SLCO5A1: variants seen among roughly 807,000 people sequenced by gnomAD.
SLCO5A1 encodes the protein solute carrier organic anion transporter family member 5A1.
A neutral mutation model predicts 65.1 loss-of-function variants in SLCO5A1; 39 were observed. The observed-to-expected ratio is 0.60, with a 90% confidence interval of 0.46 to 0.78. SLCO5A1 has a LOEUF of 0.78. Among genes scored for constraint, SLCO5A1 ranks in the 30% least tolerant of loss-of-function variants. SLCO5A1 has a pLI of 0.00. For synonymous variants in SLCO5A1, 438 were observed against 415.7 expected (o/e 1.05, Z -0.65); for missense variants, 1,029 against 1,069.4 (o/e 0.96, Z 0.53).
chr8:69,832,363 G>C lies in SLCO5A1; in HGVS notation c.311C>G (p.Thr104Ser), dbSNP rs35616937. The change falls in exon 2 of 10, where the codon ACC becomes AGC. Residue 104 changes from threonine (T) to serine (S), a missense_variant. Thr to Ser is a moderately conservative substitution (Grantham distance 58). Around this residue, in one of 3 missense-constraint regions of SLCO5A1, gnomAD observed 647 missense variants for 647.5 expected, o/e 1.00. Transcript: ENST00000260126. The surrounding 1 kb of genome is among the most constrained non-coding windows in gnomAD (Gnocchi z 4.5). ...DCNHRVDLSK[T>S]FSVSSALAML... is the part of the protein sequence containing the mutation. ...GGCCAAGGCGGAGGACACCGAGAAG[G>C]TTTTGCTGAGGTCCACCCTGTGGTT... 3,888 of 1,613,964 alleles carry C rather than the reference G, an allele frequency of 2.4e-3. 75 individuals carry two copies. In the African/African-American group the frequency reaches 0.044, roughly 18 times the overall value.
Position 69,673,226 on chromosome 8 carries a change from G to GT in SLCO5A1, c.2189dup (p.Asn730LysfsTer53). 1 of 1,614,208 alleles carries GT rather than the reference G, an allele frequency of 6.2e-7. No homozygotes were observed. Among genetic ancestry groups the GT allele is most frequent in the South Asian group, 1.1e-5 (1 of 91,080 alleles). On this transcript the variant is annotated frameshift_variant, in exon 10 of 10. Transcript: ENST00000260126. LOFTEE classifies it high-confidence loss of function. ...AATACACAAAACGAAACGACGTCAC[G>GT]TTGTACTCCCAGCAAGAACCCTGCA...
chr8:69,673,509 T>C (rs530501602), intron 9 of SLCO5A1, among the ~76,000 whole-genome samples, 183 bp from the exon 10 acceptor site: 1 of 152,324 alleles, frequency 6.6e-6, no homozygotes, highest in East Asian at 1.9e-4. Context: ...ATAAAAGCAT[T>C]CACTATATGA....
chr8:69,690,871 T>A (rs1329160176), intron 6 of SLCO5A1, among the ~76,000 whole-genome samples: 1 of 152,092 alleles, frequency 6.6e-6, no homozygotes, highest in Non-Finnish European at 1.5e-5. Flanking sequence ...GATAATATAA[T>A]AGATTTTGCT....
At chr8:69,776,646 T>C (rs1486580842) in intron 2 of SLCO5A1, among the ~76,000 whole-genome samples, 1 of 152,044 alleles carries the variant, frequency 6.6e-6, no homozygotes, top group Non-Finnish European at 1.5e-5. Flanking sequence ...GCCGTGATCA[T>C]GCCACTGCAC....
At chr8:69,776,865 TA>T (rs1818581828) in intron 2 of SLCO5A1, among the ~76,000 whole-genome samples, 1 of 152,222 alleles carries the variant, frequency 6.6e-6, no homozygotes, top group Admixed American at 6.5e-5. Flanking sequence ...GAAATACCAC[TA>T]AACAGCTATT....
intron 2 of SLCO5A1, among the ~76,000 whole-genome samples, chr8:69,783,326 G>A (rs1013973730): frequency 2.6e-5 from 4 of 151,942 alleles, no homozygotes; most frequent in African/African-American, 7.2e-5. Context: ...AATGTGATTA[G>A]ATTATTTGTA....
intron 2 of SLCO5A1, among the ~76,000 whole-genome samples, chr8:69,784,895 G>GAAGAAAGGAAGA (rs1818971652): frequency 1.2e-5 from 1 of 84,972 alleles, no homozygotes; most frequent in Non-Finnish European, 2.3e-5. Context: ...AAGAAGAAAG[G>GAAGAAAGGAAGA]AAGAAAGAAA....
Position 69,747,811 on chromosome 8 carries a change from C to T in SLCO5A1, c.1258+7613G>A, listed in dbSNP as rs553119700. 2.6e-5 allele frequency among the ~76,000 whole-genome samples: 4 copies of T among 152,312 alleles called. No individual in the cohort carries two copies. In the East Asian group the frequency reaches 7.7e-4, roughly 29 times the overall value. ...AAATATGATCGTCCTGCAGTGAAAA[C>T]CTTAGTAACTTCTATGGCCTGTGAA... On this transcript the variant is annotated intron_variant, in intron 4 of 9. Coordinates refer to ENST00000260126, the MANE Select transcript of SLCO5A1 (RefSeq NM_030958.3).
At chr8:69,687,336 A>T (rs778617806) in intron 6 of SLCO5A1, among the ~76,000 whole-genome samples, 1 of 152,222 alleles carries the variant, frequency 6.6e-6, no homozygotes, top group African/African-American at 2.4e-5. Context: ...ATGTCATAGC[A>T]TATGTGCTAG....
At chr8:69,801,149 T>C (rs756571851) in intron 2 of SLCO5A1, among the ~76,000 whole-genome samples, 4 of 152,216 alleles carry the variant, frequency 2.6e-5, no homozygotes, top group Non-Finnish European at 4.4e-5. Flanking sequence ...ACCTTACCTG[T>C]ACACAGCTCA....
At position 69,729,414 on chromosome 8, in the gene SLCO5A1, G is replaced by C. The variant is rs188178514; in HGVS notation, c.1423+8626C>G. ...AGCCGAGATCGTGCCACTGCAGTCC[G>C]GCCTGGGCGAAAGAGCGAGACTCCG... On this transcript the variant is annotated intron_variant, in intron 5 of 9. Transcript: ENST00000260126. Among the ~76,000 whole-genome samples the C allele has an allele frequency of 2.6e-4, 34 of 129,414 alleles. No homozygotes were observed. In the East Asian group the frequency reaches 7.4e-3, roughly 28 times the overall value. 84.9% of individuals were successfully genotyped at this position (129,414 alleles called of 152,430 possible).
intron 2 of SLCO5A1, among the ~76,000 whole-genome samples, chr8:69,813,785 T>C (rs1339726015): frequency 6.6e-6 from 1 of 152,086 alleles, no homozygotes. Context: ...GCGACAGGAA[T>C]CTAAGAAACC....
At chr8:69,690,106 A>G (rs4236970) in intron 6 of SLCO5A1, among the ~76,000 whole-genome samples, 2 of 152,326 alleles carry the variant, frequency 1.3e-5, no homozygotes, top group South Asian at 2.1e-4. Context: ...TCTCTTCACC[A>G]TGCCAGACTA....
chr8:69,731,340 C>A (rs34049511), intron 5 of SLCO5A1, among the ~76,000 whole-genome samples: 2,080 of 152,282 alleles, frequency 0.014, 32 homozygotes, highest in Middle Eastern at 0.041. Flanking sequence ...CAGCAAAAAC[C>A]GCAATTACTT....
intron 2 of SLCO5A1, among the ~76,000 whole-genome samples, chr8:69,795,880 C>T (rs1819469543): frequency 6.6e-6 from 1 of 152,266 alleles, no homozygotes; most frequent in South Asian, 2.1e-4. Context: ...CAAGCCTCAG[C>T]TCTTGTGCTC....
At chr8:69,798,947 G>A (rs979156796) in intron 2 of SLCO5A1, among the ~76,000 whole-genome samples, 2 of 152,204 alleles carry the variant, frequency 1.3e-5, no homozygotes, top group Non-Finnish European at 2.9e-5. Flanking sequence ...GGTTTGAAGT[G>A]AAATGTTACT....
Position 69,676,655 on chromosome 8 carries a change from C to T in SLCO5A1, c.2043G>A (p.Glu681=). The T allele has an allele frequency of 6.2e-7, 1 of 1,612,276 alleles. No individual in the cohort carries two copies. The highest frequency in any genetic ancestry group is 2.2e-5 in the East Asian group (1 of 44,754). Residue 681 remains glutamate (E), a synonymous_variant, in exon 9 of 10, where the codon GAG becomes GAA. Coordinates refer to ENST00000260126, the MANE Select transcript of SLCO5A1 (RefSeq NM_030958.3). ...ACTGCATTCCCAGTGCAAAAGGTCT[C>T]TCCTCATCTTCTACGGACCTACAGT... ...IVTLRSVEDE[E]RPFALGMQFV...
At chr8:69,784,811 A>G (rs1461545842) in intron 2 of SLCO5A1, among the ~76,000 whole-genome samples, 8 of 70,930 alleles carry the variant, frequency 1.1e-4, no homozygotes, top group African/African-American at 5.5e-4. Flanking sequence ...GAAAGAAAGA[A>G]AAAGAAAGAA....
chr8:69,782,225 A>C (rs1159300442), intron 2 of SLCO5A1, among the ~76,000 whole-genome samples: 1 of 151,896 alleles, frequency 6.6e-6, no homozygotes, highest in African/African-American at 2.4e-5. Context: ...CAGAACTTAA[A>C]GTATAATAAA....
Sources: gnomAD v4.1 joint callset for allele counts (sites outside exome capture counted in the v4.1 genomes callset) on GRCh38, gnomAD v4.1.1 for gene constraint, gnomAD v4.1.1 regional missense constraint, Gnocchi (gnomAD v3.1) non-coding constraint, MANE v1.5 for transcripts, NCBI Gene and HGNC (gene_info 2026-07-23, HGNC 2026-07-21) for gene names.